SLC2A11: variants seen among roughly 807,000 people sequenced by gnomAD.
SLC2A11 encodes solute carrier family 2 member 11.
SLC2A11 carries 43 observed loss-of-function variants against 52.1 expected under a neutral mutation model. The observed-to-expected ratio is 0.82, with a 90% CI of 0.65 to 1.06. The LOEUF is 1.06. Ranked by LOEUF, SLC2A11 falls within the 50% of genes least tolerant of loss-of-function variation. The pLI is 0.00. For synonymous variants in SLC2A11, 261 were observed against 277.6 expected (o/e 0.94, Z 0.59); for missense variants, 582 against 654.2 (o/e 0.89, Z 1.20).
At chr22:23,873,583 T>C (rs2032527205) in intron 3 of SLC2A11, among the ~76,000 whole-genome samples, 1 of 152,026 alleles carries the variant, frequency 6.6e-6, no homozygotes, top group South Asian at 2.1e-4. Flanking sequence ...GCTGGGATTA[T>C]AGGCGTGAGC....
At chr22:23,857,647 T>TA (rs972278536), upstream of SLC2A11, 81 of 1,008,094 alleles carry the variant, frequency 8.0e-5, 1 homozygote, top group East Asian at 7.1e-4. Context: ...CAGCCCTTCT[T>TA]AAAAACGCTG....
chr22:23,883,459 G>A, intron 8 of SLC2A11: 1 of 408,038 alleles, frequency 2.5e-6, no homozygotes, highest in Non-Finnish European at 4.4e-6. Context: ...CTGGACCAGT[G>A]AGACCCTGTC....
chr22:23,857,138 G>A, upstream of SLC2A11: 1 of 1,158,450 alleles, frequency 8.6e-7, no homozygotes, highest in Non-Finnish European at 1.2e-6. Context: ...GCCCTCCGGA[G>A]AACGCCCAGG....
chr22:23,877,085 C>T lies in SLC2A11; in HGVS notation c.459C>T (p.Ala153=), dbSNP rs773404760. The T allele has an allele frequency of 2.5e-6, 4 of 1,613,822 alleles. No homozygotes were observed. Among genetic ancestry groups the T allele is most frequent in the Non-Finnish European group, 3.4e-6 (4 of 1,179,986 alleles). The change falls in exon 5 of 12, where the codon GCC becomes GCT. Residue 153 remains alanine, a synonymous_variant. Transcript: ENST00000316185. The part of the protein sequence containing the change: ...NIQPMYLGES[A]PKELRGAVAM... Reference sequence around the variant, plus strand: ...AGCCCATGTACCTGGGGGAGAGCGCCCCTAAGGAGCTCCGAGGAGCTGTGG... The same window carrying T: ...AGCCCATGTACCTGGGGGAGAGCGCTCCTAAGGAGCTCCGAGGAGCTGTGG...
intron 3 of SLC2A11, chr22:23,870,618 G>A: frequency 6.6e-6 from 1 of 152,052 alleles, no homozygotes; most frequent in East Asian, 1.9e-4. Flanking sequence ...TAGTGGGAGG[G>A]GGCTTCTGAT....
chr22:23,882,509 C>T lies in SLC2A11; in HGVS notation c.745C>T (p.Leu249=). The change falls in exon 7 of 12, where the codon CTG becomes TTG. Residue 249 remains leucine (L), a synonymous_variant. Transcript: ENST00000316185. ...SGDLAGELEE[L]EEERAACQGC... is the part of the protein sequence containing the mutation. Reference sequence around the variant, plus strand: ...GGACTTGGCAGGGGAGCTGGAGGAGCTGGAGGAGGAGCGCGCTGCCTGCCA... The same window carrying T: ...GGACTTGGCAGGGGAGCTGGAGGAGTTGGAGGAGGAGCGCGCTGCCTGCCA... The T allele has an allele frequency of 6.3e-7, 1 of 1,581,352 alleles. No individual in the cohort carries two copies. The highest frequency in any genetic ancestry group is 1.1e-5 in the South Asian group (1 of 87,368).
At chr22:23,877,463 T>A in intron 5 of SLC2A11, 1 of 765,824 alleles carries the variant, frequency 1.3e-6, no homozygotes, top group Non-Finnish European at 2.3e-6. Flanking sequence ...TTCCAGTCAT[T>A]CCAGAAAAAA....
rs1340438318 is a variant in SLC2A11, at chr22:23,858,415, G to C, written c.30+386G>C. Reference sequence around the variant, plus strand: ...CATGCTCCCTCAGCTCTGACCTGACGTCCTGCCTCACAGAGGGAAAGGGCG... The same window carrying C: ...CATGCTCCCTCAGCTCTGACCTGACCTCCTGCCTCACAGAGGGAAAGGGCG... On this transcript the variant is annotated intron_variant, in intron 1 of 11. Coordinates refer to ENST00000316185, the MANE Select transcript of SLC2A11 (RefSeq NM_001024939.4). Among the ~76,000 whole-genome samples, 5 of 151,396 alleles carry C rather than the reference G, an allele frequency of 3.3e-5. No individual in the cohort carries two copies. In the East Asian group the frequency reaches 9.8e-4, roughly 30 times the overall value.
At position 23,863,097 on chromosome 22, in the gene SLC2A11, C is replaced by T. The variant is rs556618513; in HGVS notation, c.129+895C>T. Among the ~76,000 whole-genome samples, 194 of 152,334 alleles carry T rather than the reference C, an allele frequency of 1.3e-3. 1 individual carries two copies. Among genetic ancestry groups the T allele is most frequent in the African/African-American group, 3.6e-3 (149 of 41,586 alleles). On this transcript the variant is annotated intron_variant, in intron 2 of 11. Coordinates refer to ENST00000316185, the MANE Select transcript of SLC2A11 (RefSeq NM_001024939.4). Reference sequence around the variant, plus strand: ...CCTCGGTTTCACTGTCTCACACCTTCGCTCCCCCAACCCTGATACCAAAGC... The same window carrying T: ...CCTCGGTTTCACTGTCTCACACCTTTGCTCCCCCAACCCTGATACCAAAGC...
Position 23,873,527 on chromosome 22 carries a change from C to G in SLC2A11, c.291-1590C>G, listed in dbSNP as rs564083532. 5.3e-5 allele frequency among the ~76,000 whole-genome samples: 8 copies of G among 152,180 alleles called. No homozygotes were observed. The East Asian group carries it at 1.3e-3, about 26-fold the overall frequency. On this transcript the variant is annotated intron_variant, in intron 3 of 11. Coordinates refer to ENST00000316185, the MANE Select transcript of SLC2A11 (RefSeq NM_001024939.4). ...GTTTCACCATGTTGGCCAGGCTGGTCTCGAACTTCTGACCTCGTGATCCCC... is the reference window on the plus strand; with the variant it reads ...GTTTCACCATGTTGGCCAGGCTGGTGTCGAACTTCTGACCTCGTGATCCCC...
In SLC2A11 at chr22:23,886,089, G is replaced by A. The variant is rs146350859; in HGVS notation, c.*1240G>A. 26 of 152,282 alleles carry A rather than the reference G, an allele frequency of 1.7e-4. No individual in the cohort carries two copies. The highest frequency in any genetic ancestry group is 3.1e-4 in the African/African-American group (13 of 41,560). 9.4% of individuals were successfully genotyped at this position (152,282 alleles called of 1,614,324 possible). On this transcript the variant is annotated 3_prime_UTR_variant, in exon 12 of 12. Transcript: ENST00000316185. Reference sequence around the variant, plus strand: ...TTTTTTCAGAATCTGAAGTCATTCCGTACTGTATGTACACATTTGTGTCTG... The same window carrying A: ...TTTTTTCAGAATCTGAAGTCATTCCATACTGTATGTACACATTTGTGTCTG...
At chr22:23,875,522 C>A (rs994745671) in intron 4 of SLC2A11, among the ~76,000 whole-genome samples, 14 of 152,152 alleles carry the variant, frequency 9.2e-5, no homozygotes, top group African/African-American at 3.1e-4. Context: ...GTTTGAGTAA[C>A]ACTCTAAGCC....
chr22:23,876,161 C>T (rs1467858014), intron 4 of SLC2A11, among the ~76,000 whole-genome samples: 1 of 152,038 alleles, frequency 6.6e-6, no homozygotes, highest in Non-Finnish European at 1.5e-5. Flanking sequence ...AAGGAGAAGT[C>T]CAGGTGCTTT....
chr22:23,862,345 C>A (rs980168045), intron 2 of SLC2A11, 143 bp downstream of exon 2: 1 of 701,724 alleles, frequency 1.4e-6, no homozygotes, highest in Non-Finnish European at 2.5e-6. Context: ...CCACAGGTTC[C>A]TGCAGGTTCA....
chr22:23,882,325 C>T lies in SLC2A11; in HGVS notation c.695-134C>T, dbSNP rs893323684. The T allele has an allele frequency of 3.0e-5, 23 of 756,818 alleles. No homozygotes were observed. In the African/African-American group the frequency reaches 4.0e-4, roughly 13 times the overall value. 46.9% of individuals were successfully genotyped at this position (756,818 alleles called of 1,614,324 possible). On this transcript the variant is annotated intron_variant, in intron 6 of 11. Coordinates refer to ENST00000316185, the MANE Select transcript of SLC2A11 (RefSeq NM_001024939.4). ...ACAGAGGCAGAGAGAGAGACACACA[C>T]ACACACAGACAGACTCAGAGACAGA...
chr22:23,878,653 G>C (rs560568756), intron 6 of SLC2A11, among the ~76,000 whole-genome samples: 17 of 152,292 alleles, frequency 1.1e-4, no homozygotes, highest in African/African-American at 3.1e-4. Flanking sequence ...CCATCGCAAG[G>C]GCTGTGGATT....
rs1174571803 is a variant in SLC2A11, at chr22:23,877,133, G to A, written c.507G>A (p.Thr169=). Residue 169 remains threonine (T), a synonymous_variant, in exon 5 of 12, where the codon ACG becomes ACA. Coordinates refer to ENST00000316185, the MANE Select transcript of SLC2A11 (RefSeq NM_001024939.4). The part of the protein sequence containing the change: ...GAVAMSSAIF[T]ALGIVMGQVV... ...TGGCCATGAGCTCAGCCATCTTTACGGCTCTGGGGATCGTGATGGGACAGG... is the reference window on the plus strand; with the variant it reads ...TGGCCATGAGCTCAGCCATCTTTACAGCTCTGGGGATCGTGATGGGACAGG... The A allele has an allele frequency of 4.3e-6, 7 of 1,613,512 alleles. No individual in the cohort carries two copies. The highest frequency in any genetic ancestry group is 1.3e-5 in the African/African-American group (1 of 74,880).
chr22:23,873,820 T>A (rs2032534172), intron 3 of SLC2A11, among the ~76,000 whole-genome samples: 2 of 152,214 alleles, frequency 1.3e-5, no homozygotes, highest in African/African-American at 4.8e-5. Flanking sequence ...GAGTTACCAC[T>A]GGATCGAGTT....
intron 3 of SLC2A11, chr22:23,870,025 G>A (rs755157736): frequency 6.0e-5 from 43 of 717,366 alleles, no homozygotes; most frequent in African/African-American, 4.0e-4. Flanking sequence ...TCTAAATACC[G>A]TTGCATTGGA....
Sources: allele counts gnomAD v4.1 joint callset (sites outside exome capture counted in the v4.1 genomes callset), GRCh38; gene constraint gnomAD v4.1.1; transcripts MANE v1.5; gene names NCBI Gene and HGNC (gene_info 2026-07-23, HGNC 2026-07-21).